Variants in DPYD observed in about 807,000 individuals in gnomAD.
DPYD encodes dihydropyrimidine dehydrogenase [NADP(+)].
A neutral mutation model predicts 116.2 loss-of-function variants in DPYD; 109 were observed. That is an observed-to-expected ratio of 0.94 (90% confidence interval 0.80 to 1.10). The LOEUF (loss-of-function observed/expected upper bound fraction) is 1.10, where lower values mean the gene tolerates loss of function less well. Among genes scored for constraint, DPYD ranks in the 50% least tolerant of loss-of-function variants. The pLI, the probability that DPYD is intolerant of heterozygous loss-of-function variation, is 0.00. For missense variants in DPYD, 1,302 were observed against 1,254.5 expected (o/e 1.04, Z -0.57); for synonymous variants, 440 against 432.0 (o/e 1.02, Z -0.23).
At chr1:97,388,478 AAG>A (rs1672486343) in intron 14 of DPYD, among the ~76,000 whole-genome samples, 1 of 152,120 alleles carries the variant, frequency 6.6e-6, no homozygotes, top group African/African-American at 2.4e-5. Flanking sequence ...CTGGGGGCAC[AAG>A]AGAGTGTGAT....
At position 97,608,901 on chromosome 1, in the gene DPYD, C is replaced by T. The variant is rs72732369; in HGVS notation, c.851-13735G>A. 4.6e-3 allele frequency among the ~76,000 whole-genome samples: 698 copies of T among 151,898 alleles called. 10 individuals are homozygous for T. The highest frequency in any genetic ancestry group is 0.016 in the African/African-American group (653 of 41,492). Reference sequence around the variant, plus strand: ...GAGATCAAATAGAAATTCTCAGTTGCTGTTTAGAAACTATTTAAGTTCACT... The same window carrying T: ...GAGATCAAATAGAAATTCTCAGTTGTTGTTTAGAAACTATTTAAGTTCACT... On this transcript the variant is annotated intron_variant, in intron 8 of 22. Coordinates refer to ENST00000370192, the MANE Select transcript of DPYD (RefSeq NM_000110.4).
chr1:97,583,067 C>G (rs1653807624), intron 10 of DPYD, among the ~76,000 whole-genome samples: 1 of 152,080 alleles, frequency 6.6e-6, no homozygotes, highest in Non-Finnish European at 1.5e-5. Flanking sequence ...CTCCCGGGTT[C>G]ACGCCATTCT....
chr1:97,328,343 C>T (rs1570534622), intron 16 of DPYD, among the ~76,000 whole-genome samples: 1 of 152,058 alleles, frequency 6.6e-6, no homozygotes, highest in Admixed American at 6.6e-5. Flanking sequence ...AGACAATAGC[C>T]TATATAATAC....
chr1:97,419,469 G>T (rs1389370233), intron 14 of DPYD, among the ~76,000 whole-genome samples: 1 of 151,990 alleles, frequency 6.6e-6, no homozygotes, highest in South Asian at 2.1e-4. Context: ...TCACAACAAC[G>T]CTGTAAAATA....
In DPYD at chr1:97,713,598, T is replaced by A. The variant is rs562184103; in HGVS notation, c.483+7912A>T. On this transcript the variant is annotated intron_variant, in intron 5 of 22. Transcript: ENST00000370192. ...TTTAGTGAATTCTATCAAGACATTATTCTTTTCTATTAATCACTGCATTAA... is the reference window on the plus strand; with the variant it reads ...TTTAGTGAATTCTATCAAGACATTAATCTTTTCTATTAATCACTGCATTAA... Among the ~76,000 whole-genome samples, 8 of 152,266 alleles carry A rather than the reference T, an allele frequency of 5.3e-5. No individual in the cohort carries two copies. In the South Asian group the frequency reaches 1.7e-3, roughly 32 times the overall value.
At chr1:97,511,610 T>G (rs544735207) in intron 13 of DPYD, among the ~76,000 whole-genome samples, 1 of 152,092 alleles carries the variant, frequency 6.6e-6, no homozygotes, top group South Asian at 2.1e-4. Context: ...AAAACATGGA[T>G]GAAATTTATG....
chr1:97,553,709 C>A (rs940659653), intron 11 of DPYD, among the ~76,000 whole-genome samples: 1 of 151,932 alleles, frequency 6.6e-6, no homozygotes, highest in Non-Finnish European at 1.5e-5. Context: ...TATGTTCATG[C>A]ACAGTTTTCT....
intron 14 of DPYD, among the ~76,000 whole-genome samples, chr1:97,389,495 A>G (rs1672555339): frequency 1.3e-5 from 2 of 152,042 alleles, no homozygotes; most frequent in South Asian, 4.1e-4. Context: ...TCCCCTTTAT[A>G]TTACTGAAAA....
chr1:97,099,978 C>A (rs1252289048), intron 20 of DPYD, among the ~76,000 whole-genome samples: 1 of 151,972 alleles, frequency 6.6e-6, no homozygotes, highest in Admixed American at 6.6e-5. Context: ...GTCAACAAGT[C>A]AAGTAAATGG....
intron 5 of DPYD, among the ~76,000 whole-genome samples, chr1:97,709,481 T>C (rs1237412785): frequency 6.6e-6 from 1 of 151,980 alleles, no homozygotes; most frequent in South Asian, 2.1e-4. Flanking sequence ...ATATTAATTT[T>C]CTTGTGTATT....
chr1:97,869,134 G>T (rs932968911), intron 2 of DPYD, among the ~76,000 whole-genome samples: 2 of 151,852 alleles, frequency 1.3e-5, no homozygotes, highest in South Asian at 2.1e-4. Context: ...AGCCCAGAAT[G>T]AAAAAGAATC....
chr1:97,305,418 A>C, intron 17 of DPYD, 40 bp from the exon 18 acceptor site: 2 of 1,611,212 alleles, frequency 1.2e-6, no homozygotes, highest in Non-Finnish European at 1.7e-6. Context: ...AGCTCTTATA[A>C]GACACGATAG....
intron 3 of DPYD, among the ~76,000 whole-genome samples, chr1:97,816,084 G>A (rs1306344914): frequency 6.6e-6 from 1 of 150,614 alleles, no homozygotes; most frequent in African/African-American, 2.4e-5. Flanking sequence ...TTTAGGAGAT[G>A]GATTCTCACT....
At chr1:97,728,647 G>A (rs952980244) in intron 4 of DPYD, among the ~76,000 whole-genome samples, 2 of 151,956 alleles carry the variant, frequency 1.3e-5, no homozygotes, top group Non-Finnish European at 2.9e-5. Context: ...CCAATCTGCT[G>A]CATTTAAAAA....
chr1:97,877,185 AG>A (rs776152003), intron 2 of DPYD, among the ~76,000 whole-genome samples: 2 of 152,038 alleles, frequency 1.3e-5, no homozygotes, highest in African/African-American at 4.8e-5. Context: ...ATGGCTTCAA[AG>A]TAGTAGAGAA....
chr1:97,863,954 GAGATTCTAGA>G (rs537689688), intron 2 of DPYD, among the ~76,000 whole-genome samples: 24 of 152,016 alleles, frequency 1.6e-4, no homozygotes, highest in African/African-American at 4.3e-4. Context: ...GTGTGAAAGG[GAGATTCTAGA>G]GTCAATAAAT....
intron 14 of DPYD, among the ~76,000 whole-genome samples, chr1:97,440,670 C>T (rs1428771023): frequency 6.6e-6 from 1 of 152,112 alleles, no homozygotes; most frequent in African/African-American, 2.4e-5. Context: ...TATAGTTGTA[C>T]ATTTAGCTTT....
intron 16 of DPYD, among the ~76,000 whole-genome samples, chr1:97,319,502 G>A (rs1468940911): frequency 1.5e-5 from 2 of 135,566 alleles, no homozygotes; most frequent in Non-Finnish European, 3.1e-5. Flanking sequence ...TACATTCCTC[G>A]ACACATACAC....
intron 1 of DPYD, among the ~76,000 whole-genome samples, chr1:97,884,972 A>G (rs1196871154): frequency 1.3e-5 from 2 of 152,060 alleles, no homozygotes; most frequent in Non-Finnish European, 2.9e-5. Flanking sequence ...CACCTGAATC[A>G]GAAGTAAAGA....
Sources: allele counts gnomAD v4.1 joint callset (sites outside exome capture counted in the v4.1 genomes callset), GRCh38; gene constraint gnomAD v4.1.1; transcripts MANE v1.5; gene names NCBI Gene and HGNC (gene_info 2026-07-23, HGNC 2026-07-21).